The following CSMD1 variants were observed in gnomAD, a reference collection of about 807,000 sequenced individuals.
CSMD1 encodes the protein CUB and Sushi multiple domains 1, also known as CUB and sushi domain-containing protein 1.
CSMD1 carries 213 observed loss-of-function variants against 417.5 expected under a neutral mutation model. That is an observed-to-expected ratio of 0.51 (90% CI 0.46 to 0.57). The LOEUF (loss-of-function observed/expected upper bound fraction) is 0.57, where lower values mean the gene tolerates loss of function less well. CSMD1 is among the 20% of genes least tolerant of loss of function. CSMD1 has a pLI of 0.00. For missense variants in CSMD1, 6,923 were observed against 4,529.7 expected, an observed-to-expected ratio of 1.53 and a Z score of -15.17; for synonymous variants, 2,862 against 1,736.8, an observed-to-expected ratio of 1.65 and a Z score of -16.11.
chr8:3,651,829 C>T (rs1199874674), intron 7 of CSMD1, among the ~76,000 whole-genome samples: 1 of 151,810 alleles, frequency 6.6e-6, no homozygotes, highest in Non-Finnish European at 1.5e-5. Flanking sequence ...GCACCCACCA[C>T]CATCAGAGCA....
intron 5 of CSMD1, among the ~76,000 whole-genome samples, chr8:3,820,947 G>C (rs890488889): frequency 5.9e-5 from 9 of 151,906 alleles, no homozygotes; most frequent in African/African-American, 2.2e-4. Flanking sequence ...CCGGAGTTTT[G>C]CTTTTGCTGC....
At chr8:3,820,664 C>T (rs550466294) in intron 5 of CSMD1, among the ~76,000 whole-genome samples, 2 of 152,298 alleles carry the variant, frequency 1.3e-5, no homozygotes, top group East Asian at 3.9e-4. Flanking sequence ...CAAACTCTGC[C>T]TCCCAGGTTT....
rs536731883 is a variant in CSMD1, at chr8:4,288,647, G to A, written c.415+131306C>T. Among the ~76,000 whole-genome samples, 8 of 152,210 alleles carry A rather than the reference G, an allele frequency of 5.3e-5. No homozygotes were observed. The South Asian group carries it at 6.2e-4, about 12-fold the overall frequency. ...GAAGGATGTTGCCACCAACTCTGCC[G>A]CCCTCCCCAATAAAATTCCTTTTCA... On this transcript the variant is annotated intron_variant, in intron 3 of 69. Coordinates refer to ENST00000635120, the MANE Select transcript of CSMD1 (RefSeq NM_033225.6).
chr8:3,448,024 C>A (rs1815410185), intron 12 of CSMD1, among the ~76,000 whole-genome samples: 1 of 151,890 alleles, frequency 6.6e-6, no homozygotes, highest in Admixed American at 6.6e-5. Context: ...ACCTCCTAAC[C>A]CTGGATACAA....
chr8:3,039,641 A>G (rs1810955053), intron 50 of CSMD1, among the ~76,000 whole-genome samples: 1 of 152,078 alleles, frequency 6.6e-6, no homozygotes, highest in African/African-American at 2.4e-5. Flanking sequence ...TCTTGAGATT[A>G]TAAGCCCTAA....
At chr8:3,671,726 A>C (rs1171004170) in intron 7 of CSMD1, among the ~76,000 whole-genome samples, 1 of 151,682 alleles carries the variant, frequency 6.6e-6, no homozygotes, top group Non-Finnish European at 1.5e-5. Context: ...CATGCCCAGC[A>C]CCGGCAGGCT....
intron 3 of CSMD1, among the ~76,000 whole-genome samples, chr8:4,365,921 TTTTTC>T (rs1802043380): frequency 6.6e-6 from 1 of 152,232 alleles, no homozygotes; most frequent in Non-Finnish European, 1.5e-5. Flanking sequence ...TTTTATTATT[TTTTTC>T]TTTTTTGAAA....
chr8:4,243,185 G>A (rs1802502957), intron 3 of CSMD1, among the ~76,000 whole-genome samples: 1 of 152,090 alleles, frequency 6.6e-6, no homozygotes, highest in Non-Finnish European at 1.5e-5. Context: ...CCTCTGCTCT[G>A]GGCTGAGGAG....
intron 5 of CSMD1, among the ~76,000 whole-genome samples, chr8:3,909,451 C>G (rs1347130334): frequency 6.6e-6 from 1 of 152,094 alleles, no homozygotes; most frequent in Non-Finnish European, 1.5e-5. Context: ...GCAGAACACA[C>G]GGCGTGCTCC....
intron 2 of CSMD1, among the ~76,000 whole-genome samples, chr8:4,486,580 T>A (rs1025253462): frequency 1.3e-5 from 2 of 152,090 alleles, no homozygotes; most frequent in Non-Finnish European, 2.9e-5. Flanking sequence ...AATGCATATA[T>A]AAGAAGTCCA....
At chr8:4,618,776 A>C (rs1044280538) in intron 2 of CSMD1, among the ~76,000 whole-genome samples, 2 of 152,182 alleles carry the variant, frequency 1.3e-5, no homozygotes, top group Non-Finnish European at 2.9e-5. Flanking sequence ...ATCTTGAGGA[A>C]GCCCCAAAAC....
chr8:4,885,190 A>C (rs1457993441), intron 1 of CSMD1, among the ~76,000 whole-genome samples: 2 of 152,078 alleles, frequency 1.3e-5, no homozygotes. Context: ...GGTAACCTGC[A>C]AGCCTGCTAA....
chr8:4,553,628 C>A (rs944727395), intron 2 of CSMD1, among the ~76,000 whole-genome samples: 1 of 151,980 alleles, frequency 6.6e-6, no homozygotes, highest in African/African-American at 2.4e-5. Flanking sequence ...TTAGCTCTAC[C>A]AATATAGCAT....
At chr8:4,056,949 G>C (rs902353356) in intron 3 of CSMD1, among the ~76,000 whole-genome samples, 6 of 152,108 alleles carry the variant, frequency 3.9e-5, no homozygotes, top group African/African-American at 9.7e-5. Context: ...TGGACATTTG[G>C]GTTGGTTCCA....
intron 6 of CSMD1, among the ~76,000 whole-genome samples, chr8:3,718,958 C>A (rs538790883): frequency 2.6e-5 from 4 of 151,980 alleles, no homozygotes; most frequent in Middle Eastern, 3.4e-3. Flanking sequence ...ATAGAAGGAG[C>A]GAGAAGATAA....
chr8:4,756,905 T>C (rs974067798), intron 1 of CSMD1, among the ~76,000 whole-genome samples: 2 of 152,242 alleles, frequency 1.3e-5, no homozygotes, highest in Non-Finnish European at 2.9e-5. Context: ...CAAATCATCC[T>C]TTAACCGGAA....
chr8:3,428,944 A>T (rs1405805826), intron 12 of CSMD1, among the ~76,000 whole-genome samples: 1 of 152,212 alleles, frequency 6.6e-6, no homozygotes, highest in Non-Finnish European at 1.5e-5. Flanking sequence ...TGACAGAAAG[A>T]CAAGCACATC....
chr8:4,741,514 C>T (rs930699216), intron 1 of CSMD1, among the ~76,000 whole-genome samples: 3 of 152,056 alleles, frequency 2.0e-5, no homozygotes, highest in Non-Finnish European at 2.9e-5. Context: ...TAAGCATGAT[C>T]AAAACAAAAA....
chr8:3,216,874 C>T (rs942009546), intron 29 of CSMD1, among the ~76,000 whole-genome samples: 1 of 152,256 alleles, frequency 6.6e-6, no homozygotes, highest in Non-Finnish European at 1.5e-5. Flanking sequence ...CTGGATCTGT[C>T]ACCTGCTTTG....
Sources: gnomAD v4.1 joint callset for allele counts (sites outside exome capture counted in the v4.1 genomes callset) on GRCh38, gnomAD v4.1.1 for gene constraint, MANE v1.5 for transcripts, NCBI Gene and HGNC (gene_info 2026-07-23, HGNC 2026-07-21) for gene names.